Variants in EPHA6 observed in about 807,000 individuals in gnomAD.
The protein encoded by EPHA6 is EPH receptor A6.
EPHA6 carries 50 observed loss-of-function variants against 112.0 expected under a neutral mutation model. That is an observed-to-expected ratio of 0.45 (90% CI 0.36 to 0.56). EPHA6 has a LOEUF of 0.56. Ranked by LOEUF, EPHA6 falls within the 20% of genes least tolerant of loss-of-function variation. The pLI is 0.00. For synonymous variants in EPHA6, 529 were observed against 490.7 expected (o/e 1.08, Z -1.03); for missense variants, 1,280 against 1,417.4 (o/e 0.90, Z 1.56).
intron 3 of EPHA6, among the ~76,000 whole-genome samples, chr3:97,196,682 A>G (rs1409516379): frequency 1.3e-5 from 2 of 151,434 alleles, no homozygotes; most frequent in African/African-American, 4.8e-5. Context: ...CTGCAGCCAT[A>G]TCTACATTAT....
At chr3:96,947,320 C>T (rs1299728737) in intron 2 of EPHA6, among the ~76,000 whole-genome samples, 1 of 152,120 alleles carries the variant, frequency 6.6e-6, no homozygotes, top group Non-Finnish European at 1.5e-5. Context: ...TTAGGTCTAA[C>T]ATTTAAGTCA....
chr3:97,584,326 C>T (rs758075179), intron 11 of EPHA6, among the ~76,000 whole-genome samples: 8 of 152,222 alleles, frequency 5.3e-5, no homozygotes, highest in Admixed American at 2.0e-4. Context: ...GTGAGAAAGA[C>T]GAATGTATAA....
chr3:97,423,909 C>T (rs748721668), intron 6 of EPHA6, among the ~76,000 whole-genome samples: 1 of 152,180 alleles, frequency 6.6e-6, no homozygotes, highest in Non-Finnish European at 1.5e-5. Context: ...GGAAAGGACT[C>T]TCTATTCAAT....
At chr3:96,985,373 A>T (rs995726632) in intron 2 of EPHA6, among the ~76,000 whole-genome samples, 3 of 152,118 alleles carry the variant, frequency 2.0e-5, no homozygotes, top group Non-Finnish European at 4.4e-5. Flanking sequence ...AAATACCTAG[A>T]TTTTTAGACA....
intron 15 of EPHA6, among the ~76,000 whole-genome samples, chr3:97,726,303 G>A (rs2034764371): frequency 6.6e-6 from 1 of 152,016 alleles, no homozygotes; most frequent in South Asian, 2.1e-4. Context: ...ATTTTCAAAG[G>A]AGTCTTCACA....
chr3:97,102,733 C>T (rs528591336), intron 3 of EPHA6, among the ~76,000 whole-genome samples: 2 of 152,106 alleles, frequency 1.3e-5, no homozygotes, highest in Admixed American at 6.6e-5. Context: ...AATTTACACC[C>T]CCACCAGCAA....
intron 5 of EPHA6, among the ~76,000 whole-genome samples, chr3:97,311,619 G>A (rs1045042743): frequency 6.6e-6 from 1 of 151,776 alleles, no homozygotes; most frequent in Admixed American, 6.6e-5. Context: ...ATTGTATTTA[G>A]AATCTATTGT....
intron 3 of EPHA6, among the ~76,000 whole-genome samples, chr3:97,001,295 A>G (rs1397981300): frequency 2.0e-5 from 3 of 151,842 alleles, no homozygotes; most frequent in African/African-American, 4.8e-5. Context: ...AAATACATTC[A>G]AATTGTTTTT....
At chr3:97,335,483 A>C (rs2083013832) in intron 5 of EPHA6, among the ~76,000 whole-genome samples, 1 of 152,174 alleles carries the variant, frequency 6.6e-6, no homozygotes, top group Non-Finnish European at 1.5e-5. Context: ...CATATTCTCT[A>C]AGAGGATAGG....
intron 1 of EPHA6, among the ~76,000 whole-genome samples, chr3:96,822,131 G>T (rs1392802041): frequency 6.6e-6 from 1 of 151,862 alleles, no homozygotes; most frequent in Non-Finnish European, 1.5e-5. Flanking sequence ...ACATAAAAAT[G>T]TATAAATATG....
intron 11 of EPHA6, among the ~76,000 whole-genome samples, chr3:97,563,983 T>A (rs1560142061): frequency 6.6e-6 from 1 of 152,118 alleles, no homozygotes; most frequent in Non-Finnish European, 1.5e-5. Context: ...ATTACATAGC[T>A]GATAATTCAG....
chr3:97,585,796 C>A (rs982749240), intron 11 of EPHA6, among the ~76,000 whole-genome samples: 1 of 151,028 alleles, frequency 6.6e-6, no homozygotes, highest in African/African-American at 2.5e-5. Context: ...TTAGTTTAGT[C>A]AGACTCAGTC....
intron 5 of EPHA6, among the ~76,000 whole-genome samples, chr3:97,400,441 T>G (rs2086928525): frequency 6.6e-6 from 1 of 151,710 alleles, no homozygotes; most frequent in Admixed American, 6.6e-5. Flanking sequence ...CTTCAGCGAT[T>G]TGTTTTTTCT....
rs149169829 is a variant in EPHA6 at position 97,630,184 on chromosome 3, C to T, written c.2575-7689C>T. Reference sequence around the variant, plus strand: ...TTCTTATTATTGAAATTACTGATTTCACTCTTGGTGGCCTCTCTCAACTAC... The same window carrying T: ...TTCTTATTATTGAAATTACTGATTTTACTCTTGGTGGCCTCTCTCAACTAC... On this transcript the variant is annotated intron_variant, in intron 13 of 17. Coordinates refer to ENST00000389672, the MANE Select transcript of EPHA6 (RefSeq NM_001080448.3). Among the ~76,000 whole-genome samples the T allele has an allele frequency of 1.3e-4, 19 of 151,940 alleles. 1 individual carries two copies. In the East Asian group the frequency reaches 3.5e-3, roughly 28 times the overall value.
In EPHA6 at chr3:97,371,913, G is replaced by A. The variant is rs559261628; in HGVS notation, c.1607-33237G>A. Among the ~76,000 whole-genome samples the A allele has an allele frequency of 7.9e-5, 12 of 152,174 alleles. No homozygotes were observed. In the South Asian group the frequency reaches 2.5e-3, roughly 32 times the overall value. On this transcript the variant is annotated intron_variant, in intron 5 of 17. Transcript: ENST00000389672. ...GTGCTCCCAGGCTTATTAGGATGAG[G>A]AAATTCCCACCTAATAAATTTTGGT... is the stretch of plus-strand genomic sequence containing the variant.
chr3:97,655,756 T>A (rs896248494), intron 14 of EPHA6, among the ~76,000 whole-genome samples: 2 of 73,506 alleles, frequency 2.7e-5, no homozygotes, highest in Non-Finnish European at 5.0e-5. Context: ...GGGCCTGTTG[T>A]GGAGTGGGGG....
intron 12 of EPHA6, among the ~76,000 whole-genome samples, chr3:97,601,321 T>C (rs1576031715): frequency 6.6e-6 from 1 of 152,148 alleles, no homozygotes; most frequent in East Asian, 1.9e-4. Flanking sequence ...TGATTAGTAT[T>C]TTTTTGTAAG....
intron 14 of EPHA6, among the ~76,000 whole-genome samples, chr3:97,654,904 C>T (rs1447960244): frequency 1.3e-5 from 2 of 151,430 alleles, no homozygotes; most frequent in Non-Finnish European, 2.9e-5. Context: ...CTAAAGAGCT[C>T]ATTCTGGCTG....
At chr3:97,393,119 T>G (rs532742483) in intron 5 of EPHA6, among the ~76,000 whole-genome samples, 2 of 151,950 alleles carry the variant, frequency 1.3e-5, no homozygotes, top group African/African-American at 4.8e-5. Flanking sequence ...GATTTTTCTT[T>G]ATGGCCAGGC....
Sources: gnomAD v4.1 joint callset for allele counts (sites outside exome capture counted in the v4.1 genomes callset) on GRCh38, gnomAD v4.1.1 for gene constraint, MANE v1.5 for transcripts, NCBI Gene and HGNC (gene_info 2026-07-23, HGNC 2026-07-21) for gene names.